The following CNOT1 variants were observed in gnomAD, a reference collection of about 807,000 sequenced individuals.
CNOT1 encodes the protein CCR4-associated factor 1.
CNOT1 carries 15 observed loss-of-function variants against 273.8 expected under a neutral mutation model. The observed-to-expected ratio is 0.05, with a 90% CI of 0.04 to 0.08. The LOEUF is 0.08. CNOT1 is among the 10% of genes least tolerant of loss of function. The pLI is 1.00. For synonymous variants in CNOT1, 1,022 were observed against 1,005.5 expected, an observed-to-expected ratio of 1.02 and a Z score of -0.31; for missense variants, 1,644 against 2,912.2, an observed-to-expected ratio of 0.56 and a Z score of 10.02.
chr16:58,542,682 G>A lies in CNOT1; in HGVS notation c.4435-114C>T. The stretch of plus-strand genomic sequence containing the variant: ...AGTGCATTTGGCAAATGCATTTTAA[G>A]TTCTGACTCTACTTATGAACAAGCT... On this transcript the variant is annotated intron_variant, in intron 31 of 48. Coordinates refer to ENST00000317147, the MANE Select transcript of CNOT1 (RefSeq NM_016284.5). 6 of 1,431,434 alleles carry A rather than the reference G, an allele frequency of 4.2e-6. No individual in the cohort carries two copies. The South Asian group carries it at 7.1e-5, about 17-fold the overall frequency. 88.7% of individuals were successfully genotyped at this position (1,431,434 alleles called of 1,614,324 possible). A position where few individuals can be genotyped will look rare whatever the true frequency, so the allele number is the denominator to read the frequency against.
intron 33 of CNOT1, 121 bp from the exon 34 acceptor site, chr16:58,541,741 A>G (rs2040100628): frequency 1.2e-6 from 1 of 852,238 alleles, no homozygotes; most frequent in Non-Finnish European, 1.8e-6. Flanking sequence ...AACATATAAC[A>G]GCATGATTAA....
chr16:58,559,674 A>T, intron 17 of CNOT1: 4 of 366,042 alleles, frequency 1.1e-5, no homozygotes, highest in South Asian at 8.6e-5. Flanking sequence ...GTAGCCACTG[A>T]ATCACTAACT....
chr16:58,591,987 A>G (rs1156783881), intron 2 of CNOT1, among the ~76,000 whole-genome samples: 1 of 152,136 alleles, frequency 6.6e-6, no homozygotes, highest in African/African-American at 2.4e-5. Context: ...GTTTTACTAC[A>G]GCCATAAATC....
chr16:58,549,311 AGGG>A (rs1220202266), intron 25 of CNOT1, among the ~76,000 whole-genome samples: 1 of 137,186 alleles, frequency 7.3e-6, no homozygotes, highest in East Asian at 2.1e-4. Context: ...AAAAAAAAAA[AGGG>A]GGCTACAGCA....
chr16:58,624,680 C>T (rs1281213228), intron 1 of CNOT1: 2 of 152,114 alleles, frequency 1.3e-5, no homozygotes, highest in Non-Finnish European at 2.9e-5. Flanking sequence ...CGCCTGTAAT[C>T]CCAGCTACTC....
chr16:58,534,369 G>C lies in CNOT1; in HGVS notation c.5673C>G (p.Thr1891=). ...GQMHQQGILK[T]DDLITRFFRL... The stretch of plus-strand genomic sequence containing the variant: ...GAAAGAACCTTGTTATGAGATCATC[G>C]GTCTTCAGTATTCCTTGCTGGTGCA... Residue 1891 remains threonine, a synonymous_variant, in exon 40 of 49, where the codon ACC becomes ACG. Transcript: ENST00000317147. 3 of 1,613,890 alleles carry C rather than the reference G, an allele frequency of 1.9e-6. No individual in the cohort carries two copies. Among genetic ancestry groups the C allele is most frequent in the Non-Finnish European group, 2.5e-6 (3 of 1,179,936 alleles).
chr16:58,586,546 T>C lies in CNOT1; in HGVS notation c.636A>G (p.Arg212=). The C allele has an allele frequency of 6.2e-7, 1 of 1,609,508 alleles. No homozygotes were observed. The highest frequency in any genetic ancestry group is 1.1e-5 in the South Asian group (1 of 90,886). ...QIDAFLKTLR[R]DFPQERCPVV... ...TGTAGGCTACAAAGACTCCCTTACC[T>C]CTGCGCAGCGTCTTAAGAAAAGCGT... Residue 212 remains arginine (R), a splice_region_variant and synonymous_variant, in exon 7 of 49, where the codon AGA becomes AGG. Coordinates refer to ENST00000317147, the MANE Select transcript of CNOT1 (RefSeq NM_016284.5).
At position 58,599,384 on chromosome 16, in the gene CNOT1, C is replaced by CATT; in HGVS notation, c.-50_-48dup. 1 of 1,612,574 alleles carries CATT rather than the reference C, an allele frequency of 6.2e-7. No individual in the cohort carries two copies. ...GCGGCCGAGCCCGGCGCAAAATCAC[C>CATT]ATTATTCCCCTTTAGTCACCTCAGA... On this transcript the variant is annotated 5_prime_UTR_variant, in exon 2 of 49. It adds an upstream start codon to the 5' untranslated region. Transcript: ENST00000317147.
chr16:58,581,755 T>A (rs9924805), intron 10 of CNOT1, among the ~76,000 whole-genome samples: 38 of 151,880 alleles, frequency 2.5e-4, no homozygotes, highest in Non-Finnish European at 4.6e-4. Context: ...TCTGCCTCTT[T>A]GGTTCAAGAG....
At chr16:58,576,122 T>C (rs960070935) in intron 14 of CNOT1, among the ~76,000 whole-genome samples, 1 of 152,006 alleles carries the variant, frequency 6.6e-6, no homozygotes, top group Admixed American at 6.6e-5. Context: ...TTTTTTCTTT[T>C]TTTTTTGAGA....
chr16:58,608,872 C>T (rs972208981), intron 1 of CNOT1, among the ~76,000 whole-genome samples: 19 of 152,256 alleles, frequency 1.2e-4, no homozygotes, highest in South Asian at 4.1e-4. Flanking sequence ...GAATGGAAAA[C>T]CAAACATCAT....
intron 42 of CNOT1, 56 bp from the exon 43 acceptor site, chr16:58,530,403 T>C (rs1220926422): frequency 3.7e-6 from 5 of 1,349,436 alleles, no homozygotes; most frequent in Non-Finnish European, 5.2e-6. Flanking sequence ...TTTCAGCCAC[T>C]ACAAGTCGCC....
chr16:58,556,303 C>G (rs1203809982), intron 19 of CNOT1, among the ~76,000 whole-genome samples: 1 of 152,164 alleles, frequency 6.6e-6, no homozygotes, highest in Non-Finnish European at 1.5e-5. Flanking sequence ...AAGCATGCTA[C>G]AAAACATAAC....
chr16:58,547,795 A>G lies in CNOT1; in HGVS notation c.3523-113T>C, dbSNP rs1193925095. 24 of 1,001,236 alleles carry G rather than the reference A, an allele frequency of 2.4e-5. No individual in the cohort carries two copies. Among genetic ancestry groups the G allele is most frequent in the Non-Finnish European group, 3.3e-5 (23 of 707,356 alleles). 62.0% of individuals were successfully genotyped at this position (1,001,236 alleles called of 1,614,324 possible). On this transcript the variant is annotated intron_variant, in intron 25 of 48. Transcript: ENST00000317147. The surrounding 1 kb of genome is among the most constrained non-coding windows in gnomAD (Gnocchi z 4.0). ...CTAAAGACAAGTCATCATTTCTAAG[A>G]ACAGGCCCCAAAGTAGAATTACTCT...
At position 58,543,902 on chromosome 16, in the gene CNOT1, A is replaced by G. The variant is rs753441032; in HGVS notation, c.4139T>C (p.Ile1380Thr). 2 of 1,600,198 alleles carry G rather than the reference A, an allele frequency of 1.2e-6. No individual in the cohort carries two copies. The highest frequency in any genetic ancestry group is 1.7e-6 in the Non-Finnish European group (2 of 1,170,780). The part of the protein sequence containing the change: ...LAPHITLNPT[I>T]PLFQAHPQLK... Reference sequence around the variant, plus strand: ...CTGTGGATGGGCCTGAAACAAGGGAATCTGGGGGGTTGGGGAGGACAAAGT... The same window carrying G: ...CTGTGGATGGGCCTGAAACAAGGGAGTCTGGGGGGTTGGGGAGGACAAAGT... Residue 1380 changes from isoleucine (I) to threonine (T), a missense_variant and splice_region_variant, in exon 31 of 49, where the codon ATT (isoleucine) becomes ACT (threonine). Around this residue, in one of 13 missense-constraint regions of CNOT1, gnomAD observed 133 missense variants for 230.4 expected, o/e 0.58. Transcript: ENST00000317147.
At chr16:58,609,864 T>C (rs1482581027) in intron 1 of CNOT1, among the ~76,000 whole-genome samples, 1 of 150,104 alleles carries the variant, frequency 6.7e-6, no homozygotes, top group Admixed American at 6.7e-5. Context: ...TATCATATTA[T>C]ATATAATAAT....
At chr16:58,578,370 C>G (rs1440948879) in intron 13 of CNOT1, among the ~76,000 whole-genome samples, 1 of 149,314 alleles carries the variant, frequency 6.7e-6, no homozygotes, top group Non-Finnish European at 1.5e-5. Flanking sequence ...AGGAGAATCA[C>G]TTGAACCCAG....
rs1473560414 is a variant in CNOT1, at chr16:58,520,195, T to C, written c.*763A>G. ...AATTAATTAATGAGATTTGGTTCCCTTTCCTATATTCCCACTGTTTTTAAG... is the reference window on the plus strand; with the variant it reads ...AATTAATTAATGAGATTTGGTTCCCCTTCCTATATTCCCACTGTTTTTAAG... On this transcript the variant is annotated 3_prime_UTR_variant, in exon 49 of 49. Transcript: ENST00000317147. 1.3e-5 allele frequency: 2 copies of C among 152,168 alleles called. No homozygotes were observed. The highest frequency in any genetic ancestry group is 4.8e-5 in the African/African-American group (2 of 41,420). The allele number at this position is 152,168 out of a possible 1,614,324, so 9.4% of individuals were successfully genotyped here. A position where few individuals can be genotyped will look rare whatever the true frequency, so the allele number is the denominator to read the frequency against.
intron 16 of CNOT1, among the ~76,000 whole-genome samples, chr16:58,561,862 T>C (rs966848674): frequency 2.6e-5 from 4 of 152,138 alleles, no homozygotes; most frequent in African/African-American, 4.8e-5. Context: ...CATACAACTA[T>C]GGGGTCCCTT....
Sources: gnomAD v4.1 joint callset for allele counts (sites outside exome capture counted in the v4.1 genomes callset) on GRCh38, gnomAD v4.1.1 for gene constraint, gnomAD v4.1.1 regional missense constraint, Gnocchi (gnomAD v3.1) non-coding constraint, MANE v1.5 for transcripts, NCBI Gene and HGNC (gene_info 2026-07-23, HGNC 2026-07-21) for gene names.